The following SDK1 variants were observed in gnomAD, a reference collection of about 807,000 sequenced individuals.
The protein encoded by SDK1 is protein sidekick-1.
In SDK1, 157 loss-of-function variants were observed where a neutral mutation model predicts 245.5. The observed-to-expected ratio is 0.64, with a 90% CI of 0.56 to 0.73. The LOEUF (loss-of-function observed/expected upper bound fraction) is 0.73. Ranked by LOEUF, SDK1 falls within the 30% of genes least tolerant of loss-of-function variation. The pLI is 0.00. For synonymous variants in SDK1, 1,647 were observed against 1,278.5 expected, an observed-to-expected ratio of 1.29 and a Z score of -6.15; for missense variants, 3,583 against 3,002.3, an observed-to-expected ratio of 1.19 and a Z score of -4.52.
chr7:3,525,238 C>G (rs1783082485), intron 1 of SDK1, among the ~76,000 whole-genome samples: 1 of 151,902 alleles, frequency 6.6e-6, no homozygotes, highest in South Asian at 2.1e-4. Context: ...CAAGGGATGA[C>G]TGTATGCCTG....
chr7:3,715,602 A>G (rs1483871998), intron 4 of SDK1, among the ~76,000 whole-genome samples: 1 of 152,202 alleles, frequency 6.6e-6, no homozygotes, highest in Non-Finnish European at 1.5e-5. Flanking sequence ...GCTCTGAAAA[A>G]CACATTATCA....
intron 4 of SDK1, among the ~76,000 whole-genome samples, chr7:3,683,345 G>A (rs924076544): frequency 6.6e-6 from 1 of 152,172 alleles, no homozygotes; most frequent in Non-Finnish European, 1.5e-5. Context: ...AAAAGATAAT[G>A]CCTTTCAGCT....
chr7:4,077,327 A>G (rs1780751210), intron 21 of SDK1, 138 bp downstream of exon 21: 2 of 799,424 alleles, frequency 2.5e-6, no homozygotes, highest in Non-Finnish European at 4.0e-6. Flanking sequence ...AAGATGCTGG[A>G]GGGTAAATGG....
intron 4 of SDK1, among the ~76,000 whole-genome samples, chr7:3,808,859 AT>A (rs1387476490): frequency 1.3e-5 from 2 of 152,192 alleles, no homozygotes; most frequent in Non-Finnish European, 2.9e-5. Flanking sequence ...AGAAAAAAAA[AT>A]CATTAAAAAT....
chr7:3,670,267 A>G (rs1174751266), intron 4 of SDK1, among the ~76,000 whole-genome samples: 1 of 152,220 alleles, frequency 6.6e-6, no homozygotes, highest in East Asian at 1.9e-4. Context: ...TAATATAAAC[A>G]GCAGGGTTTG....
intron 4 of SDK1, among the ~76,000 whole-genome samples, chr7:3,817,038 C>T (rs185143755): frequency 2.6e-5 from 4 of 152,142 alleles, no homozygotes; most frequent in African/African-American, 7.2e-5. Context: ...TTTTACTAAA[C>T]ATTTTACTGA....
chr7:4,149,086 A>C (rs983717325), intron 29 of SDK1, among the ~76,000 whole-genome samples, 176 bp from the exon 30 acceptor site: 35 of 152,172 alleles, frequency 2.3e-4, no homozygotes, highest in African/African-American at 7.9e-4. Context: ...AAAACAAAAA[A>C]ACAGAGCCTC....
At position 3,306,465 on chromosome 7, in the gene SDK1, G is replaced by A. The variant is rs183470718; in HGVS notation, c.298+4581G>A. Among the ~76,000 whole-genome samples, 200 of 152,290 alleles carry A rather than the reference G, an allele frequency of 1.3e-3. 2 individuals are homozygous for A. The Middle Eastern group carries it at 0.054, about 41-fold the overall frequency. On this transcript the variant is annotated intron_variant, in intron 1 of 44. Transcript: ENST00000404826. ...TTTGGAAAATTCTTTTATCTGCACT[G>A]AAGTGTATGAATTTGAGTCCTTTAA...
intron 20 of SDK1, among the ~76,000 whole-genome samples, chr7:4,073,290 G>A (rs535061710): frequency 3.3e-5 from 5 of 152,214 alleles, no homozygotes; most frequent in South Asian, 2.1e-4. Context: ...CCCACCTCAC[G>A]CCCACCACTC....
chr7:3,802,634 C>T (rs886423216), intron 4 of SDK1, among the ~76,000 whole-genome samples: 5 of 152,046 alleles, frequency 3.3e-5, no homozygotes, highest in Admixed American at 6.5e-5. Context: ...AGCTTCCCAA[C>T]CTGGCAGCCG....
chr7:3,758,887 C>G lies in SDK1; in HGVS notation c.714-62563C>G, dbSNP rs995449517. 2.0e-5 allele frequency among the ~76,000 whole-genome samples: 3 copies of G among 152,148 alleles called. 1 individual carries two copies. Among genetic ancestry groups the G allele is most frequent in the Non-Finnish European group, 4.4e-5 (3 of 68,024 alleles). The stretch of plus-strand genomic sequence containing the variant: ...CACAAGTCTCTGTTCCTGTCTGTAT[C>G]CATCTGTATCTATTTAAAAATAACC... On this transcript the variant is annotated intron_variant, in intron 4 of 44. Coordinates refer to ENST00000404826, the MANE Select transcript of SDK1 (RefSeq NM_152744.4).
chr7:3,418,754 T>G (rs1376727517), intron 1 of SDK1, among the ~76,000 whole-genome samples: 1 of 152,174 alleles, frequency 6.6e-6, no homozygotes, highest in Non-Finnish European at 1.5e-5. Context: ...TTTTGAAAAT[T>G]AACAATAATT....
chr7:3,755,278 A>G (rs1203960156), intron 4 of SDK1, among the ~76,000 whole-genome samples: 3 of 152,044 alleles, frequency 2.0e-5, no homozygotes. Context: ...ATTGGCCTTG[A>G]GTTGGAAAGG....
intron 4 of SDK1, among the ~76,000 whole-genome samples, chr7:3,773,669 G>C (rs1780466986): frequency 6.6e-6 from 1 of 152,124 alleles, no homozygotes; most frequent in Non-Finnish European, 1.5e-5. Context: ...ATGGAAATCA[G>C]ATTTCCCCCT....
intron 1 of SDK1, among the ~76,000 whole-genome samples, chr7:3,439,965 A>G (rs1780147738): frequency 6.6e-6 from 1 of 152,198 alleles, no homozygotes; most frequent in Admixed American, 6.5e-5. Context: ...CTATGGAGAT[A>G]TAATTGAAAT....
intron 30 of SDK1, among the ~76,000 whole-genome samples, chr7:4,154,531 G>GT (rs1412845927): frequency 2.0e-5 from 3 of 152,180 alleles, no homozygotes; most frequent in Non-Finnish European, 4.4e-5. Context: ...CTGGGGACAA[G>GT]TGAGGGCTCC....
rs540688227 is a variant in SDK1 at position 3,557,330 on chromosome 7, C to G, written c.299-61750C>G. Among the ~76,000 whole-genome samples, 8 of 152,258 alleles carry G rather than the reference C, an allele frequency of 5.3e-5. No homozygotes were observed. In the East Asian group the frequency reaches 7.7e-4, roughly 15 times the overall value. ...AAGATTACACTCACACATTTTCCAA[C>G]TAAGAAGAAATGAGGTCAGTTTGTC... On this transcript the variant is annotated intron_variant, in intron 1 of 44. Coordinates refer to ENST00000404826, the MANE Select transcript of SDK1 (RefSeq NM_152744.4).
chr7:3,986,903 C>T (rs1243195187), intron 13 of SDK1, among the ~76,000 whole-genome samples: 3 of 152,052 alleles, frequency 2.0e-5, no homozygotes, highest in Non-Finnish European at 4.4e-5. Context: ...CGTCTGCGTC[C>T]CCTCCCCCTA....
intron 4 of SDK1, among the ~76,000 whole-genome samples, chr7:3,722,112 T>C (rs1342965269): frequency 2.0e-5 from 3 of 152,020 alleles, no homozygotes; most frequent in African/African-American, 7.2e-5. Flanking sequence ...ACTCCTGAGC[T>C]CTAGTGATCT....
Sources: allele counts gnomAD v4.1 joint callset (sites outside exome capture counted in the v4.1 genomes callset), GRCh38; gene constraint gnomAD v4.1.1; transcripts MANE v1.5; gene names NCBI Gene and HGNC (gene_info 2026-07-23, HGNC 2026-07-21).